The following PRKN variants were observed in gnomAD, a reference collection of about 807,000 sequenced individuals.
PRKN encodes the protein E3 ubiquitin-protein ligase parkin.
Under a neutral mutation model 59.5 loss-of-function variants are expected in PRKN, and 56 were observed. The ratio of observed to expected loss-of-function variants is 0.94; its 90% CI spans 0.76 to 1.18. The LOEUF (loss-of-function observed/expected upper bound fraction) is 1.18, where lower values mean the gene tolerates loss of function less well. Ranked by LOEUF, PRKN falls within the 50% of genes most tolerant of loss-of-function variation. PRKN has a pLI of 0.00. For synonymous variants in PRKN, 250 were observed against 222.1 expected (o/e 1.13, Z -1.12); for missense variants, 657 against 596.4 (o/e 1.10, Z -1.06).
chr6:161,973,371 G>T lies in PRKN; in HGVS notation c.665C>A (p.Thr222Lys), dbSNP rs1206205875. ...TGCGATCAGGTGCAAAGCTACTGAT[G>T]TTTCCTTGTCAGAGGTGGGGTGTGC... ...CGAHPTSDKE[T>K]SVALHLIATN... The change falls in exon 6 of 12, where the codon ACA becomes AAA. Residue 222 changes from threonine (T) to lysine (K), a missense_variant. Physicochemically the swap from Thr to Lys is moderately conservative, Grantham distance 78 (BLOSUM62 -1). Coordinates refer to ENST00000366898, the MANE Select transcript of PRKN (RefSeq NM_004562.3). 1 of 1,613,732 alleles carries T rather than the reference G, an allele frequency of 6.2e-7. No individual in the cohort carries two copies. Among genetic ancestry groups the T allele is most frequent in the Admixed American group, 1.7e-5 (1 of 60,020 alleles).
At chr6:162,468,351 A>G (rs1791539738) in intron 1 of PRKN, among the ~76,000 whole-genome samples, 1 of 152,212 alleles carries the variant, frequency 6.6e-6, no homozygotes, top group African/African-American at 2.4e-5. Flanking sequence ...ATCTTTGTTC[A>G]TTAATATTTG....
intron 4 of PRKN, among the ~76,000 whole-genome samples, chr6:162,186,979 C>A (rs1784059667): frequency 6.6e-6 from 1 of 152,142 alleles, no homozygotes; most frequent in East Asian, 1.9e-4. Flanking sequence ...AGAGTGAGTT[C>A]AGGTCTGACC....
At chr6:161,766,905 G>A (rs1369879314) in intron 7 of PRKN, among the ~76,000 whole-genome samples, 1 of 152,152 alleles carries the variant, frequency 6.6e-6, no homozygotes, top group Non-Finnish European at 1.5e-5. Flanking sequence ...GCAGACCTAT[G>A]TTTACATTTA....
At chr6:162,112,424 C>G (rs1327760391) in intron 4 of PRKN, among the ~76,000 whole-genome samples, 1 of 152,024 alleles carries the variant, frequency 6.6e-6, no homozygotes, top group Non-Finnish European at 1.5e-5. Flanking sequence ...TATTAAAATA[C>G]CACATATTAA....
chr6:161,912,760 G>A lies in PRKN; in HGVS notation c.734+60542C>T, dbSNP rs948678055. Among the ~76,000 whole-genome samples the A allele has an allele frequency of 1.4e-4, 21 of 152,076 alleles. 1 individual carries two copies. The highest frequency in any genetic ancestry group is 2.9e-5 in the Non-Finnish European group (2 of 68,020). On this transcript the variant is annotated intron_variant, in intron 6 of 11. Coordinates refer to ENST00000366898, the MANE Select transcript of PRKN (RefSeq NM_004562.3). ...AGCTCCAGACACCTAAGCAGATGAGGTCTCTGAGACACCACATCTCCAGCA... is the reference window on the plus strand; with the variant it reads ...AGCTCCAGACACCTAAGCAGATGAGATCTCTGAGACACCACATCTCCAGCA...
intron 6 of PRKN, among the ~76,000 whole-genome samples, chr6:161,874,735 C>CAATATATAAAATGTAA (rs1386947872): frequency 2.1e-5 from 1 of 47,728 alleles, no homozygotes; most frequent in Admixed American, 3.2e-4. Context: ...ATAAAATGTA[C>CAATATATAAAATGTAA]TATATATAAA....
At chr6:162,008,204 T>C (rs1782335794) in intron 5 of PRKN, among the ~76,000 whole-genome samples, 1 of 152,128 alleles carries the variant, frequency 6.6e-6, no homozygotes. Context: ...TAGAGAAAGA[T>C]GCACATATAT....
intron 1 of PRKN, among the ~76,000 whole-genome samples, chr6:162,640,807 CT>C (rs1484119144): frequency 6.6e-6 from 1 of 152,154 alleles, no homozygotes; most frequent in Non-Finnish European, 1.5e-5. Context: ...TGGTACAGGC[CT>C]TTCCACAGGT....
intron 6 of PRKN, among the ~76,000 whole-genome samples, chr6:161,891,921 C>G (rs1795358018): frequency 6.6e-6 from 1 of 152,150 alleles, no homozygotes; most frequent in Admixed American, 6.5e-5. Context: ...TTGTTTAGTC[C>G]TTACCTAGAC....
rs1447975634 is a variant in PRKN, at chr6:161,582,115, T to C, written c.872-12699A>G. 6.6e-6 allele frequency among the ~76,000 whole-genome samples: 1 copy of C among 152,216 alleles called. No individual in the cohort carries two copies. The highest frequency in any genetic ancestry group is 1.5e-5 in the Non-Finnish European group (1 of 68,044). On this transcript the variant is annotated intron_variant, in intron 7 of 11. Transcript: ENST00000366898. The surrounding 1 kb of genome is among the most constrained non-coding windows in gnomAD (Gnocchi z 4.4). Reference sequence around the variant, plus strand: ...ATCATTGCTTTCATCTACTGGTTTTTACCAAAGTGTAAAGTGCATTTTCTA... The same window carrying C: ...ATCATTGCTTTCATCTACTGGTTTTCACCAAAGTGTAAAGTGCATTTTCTA...
rs1265381509 is a variant in PRKN, at chr6:161,475,117, G to A, written c.1083+73737C>T. On this transcript the variant is annotated intron_variant, in intron 9 of 11. Transcript: ENST00000366898. The surrounding 1 kb of genome is among the most constrained non-coding windows in gnomAD (Gnocchi z 5.3). ...TCACCATGTTGGCCAGGATGGTCTCGATCTCTTGACCTCATGATCTGCCTG... is the reference window on the plus strand; with the variant it reads ...TCACCATGTTGGCCAGGATGGTCTCAATCTCTTGACCTCATGATCTGCCTG... Among the ~76,000 whole-genome samples, 2 of 152,106 alleles carry A rather than the reference G, an allele frequency of 1.3e-5. No homozygotes were observed. The highest frequency in any genetic ancestry group is 2.9e-5 in the Non-Finnish European group (2 of 68,020).
intron 4 of PRKN, among the ~76,000 whole-genome samples, chr6:162,173,186 C>G (rs1783366078): frequency 1.3e-5 from 2 of 152,212 alleles, no homozygotes; most frequent in African/African-American, 4.8e-5. Flanking sequence ...TTTGATCACT[C>G]TCAGCCCTCC....
intron 3 of PRKN, among the ~76,000 whole-genome samples, chr6:162,212,481 A>G (rs1036560119): frequency 5.3e-5 from 8 of 152,214 alleles, no homozygotes; most frequent in African/African-American, 1.9e-4. Flanking sequence ...GGCCTGTGCT[A>G]CAGATTACAG....
At position 162,217,090 on chromosome 6, in the gene PRKN, C is replaced by T. The variant is rs1426199695; in HGVS notation, c.413-15838G>A. Among the ~76,000 whole-genome samples the T allele has an allele frequency of 3.9e-5, 6 of 152,144 alleles. No homozygotes were observed. The East Asian group carries it at 7.7e-4, about 20-fold the overall frequency. On this transcript the variant is annotated intron_variant, in intron 3 of 11. Coordinates refer to ENST00000366898, the MANE Select transcript of PRKN (RefSeq NM_004562.3). ...AAATGTATATGCTCAACTAATGCAG[C>T]TATTCTACAATCGAAGAATCTCTCC...
At chr6:162,694,236 C>CAAAAAAAAAAAAAAAAAAAA (rs149337714) in intron 1 of PRKN, among the ~76,000 whole-genome samples, 1 of 93,516 alleles carries the variant, frequency 1.1e-5, no homozygotes, top group African/African-American at 4.3e-5. Context: ...AACAGTGAGA[C>CAAAAAAAAAAAAAAAAAAAA]AAAAAAAAAA....
rs190400489 is a variant in PRKN, at chr6:161,735,675, G to A, written c.871+50097C>T. ...CTCACGCCTGTAATCCCAGCACCTC[G>A]GGAGACTGAGGAGGGTGGATCACGA... On this transcript the variant is annotated intron_variant, in intron 7 of 11. Coordinates refer to ENST00000366898, the MANE Select transcript of PRKN (RefSeq NM_004562.3). Among the ~76,000 whole-genome samples the A allele has an allele frequency of 1.4e-3, 212 of 152,118 alleles. 1 individual carries two copies. Among genetic ancestry groups the A allele is most frequent in the Non-Finnish European group, 2.3e-3 (157 of 68,000 alleles).
chr6:162,529,198 ATTTAT>A (rs1562359453), intron 1 of PRKN, among the ~76,000 whole-genome samples: 1 of 152,048 alleles, frequency 6.6e-6, no homozygotes. Context: ...TTAGTGATAC[ATTTAT>A]ACTGATTAGT....
rs911310023 is a variant in PRKN at position 161,473,735 on chromosome 6, G to A, written c.1083+75119C>T. ...TTAGGTGCTATTACTGTATACGTAT[G>A]AAAAAAGTAACCATGAAGATGATAA... is the stretch of plus-strand genomic sequence containing the variant. On this transcript the variant is annotated intron_variant, in intron 9 of 11. Transcript: ENST00000366898. This position sits in a 1 kb window ranked among gnomAD's most constrained non-coding sequence, Gnocchi z 4.1. Among the ~76,000 whole-genome samples, 2 of 152,086 alleles carry A rather than the reference G, an allele frequency of 1.3e-5. No homozygotes were observed. Among genetic ancestry groups the A allele is most frequent in the African/African-American group, 4.8e-5 (2 of 41,414 alleles).
intron 1 of PRKN, among the ~76,000 whole-genome samples, chr6:162,485,782 A>G (rs1444360491): frequency 2.6e-5 from 4 of 152,292 alleles, no homozygotes; most frequent in South Asian, 4.1e-4. Flanking sequence ...GAGTGCACAG[A>G]CACAGGTGAT....
Sources: allele counts gnomAD v4.1 joint callset (sites outside exome capture counted in the v4.1 genomes callset), GRCh38; gene constraint gnomAD v4.1.1; non-coding constraint Gnocchi (gnomAD v3.1); transcripts MANE v1.5; gene names NCBI Gene and HGNC (gene_info 2026-07-23, HGNC 2026-07-21).